Variants in AGPAT4 observed in about 807,000 individuals in gnomAD.
The protein encoded by AGPAT4 is 1-acyl-sn-glycerol-3-phosphate acyltransferase delta.
In AGPAT4, 15 loss-of-function variants were observed where a neutral mutation model predicts 48.0. The ratio of observed to expected loss-of-function variants is 0.31; its 90% CI spans 0.21 to 0.48. The LOEUF is 0.48. Ranked by LOEUF, AGPAT4 falls within the 20% of genes least tolerant of loss-of-function variation. The pLI, the probability that AGPAT4 is intolerant of heterozygous loss-of-function variation, is 0.99. For synonymous variants in AGPAT4, 178 were observed against 198.7 expected (o/e 0.90, Z 0.88); for missense variants, 314 against 482.5 (o/e 0.65, Z 3.27).
chr6:161,168,094 T>A (rs1286356192), intron 2 of AGPAT4, among the ~76,000 whole-genome samples: 1 of 135,748 alleles, frequency 7.4e-6, no homozygotes, highest in African/African-American at 3.1e-5. Context: ...TGACGCATCC[T>A]GGGAGTTGGT....
chr6:161,165,432 G>A lies in AGPAT4; in HGVS notation c.348+816C>T, dbSNP rs913590591. The A allele has an allele frequency of 4.4e-5, 14 of 321,384 alleles. No individual in the cohort carries two copies. Among genetic ancestry groups the A allele is most frequent in the African/African-American group, 4.3e-5 (2 of 46,810 alleles). The allele number at this position is 321,384 out of a possible 1,614,324, so 19.9% of individuals were successfully genotyped here. On this transcript the variant is annotated intron_variant, in intron 3 of 8. Coordinates refer to ENST00000320285, the MANE Select transcript of AGPAT4 (RefSeq NM_020133.3). The surrounding 1 kb of genome is among the most constrained non-coding windows in gnomAD (Gnocchi z 5.5). Reference sequence around the variant, plus strand: ...TCTTCAGGGGCTACCAAAAAGCAAGGTGATTTCAGCAGCCCCCGTATCTGT... The same window carrying A: ...TCTTCAGGGGCTACCAAAAAGCAAGATGATTTCAGCAGCCCCCGTATCTGT...
intron 2 of AGPAT4, among the ~76,000 whole-genome samples, chr6:161,168,966 C>G (rs570456643): frequency 6.6e-6 from 1 of 152,118 alleles, no homozygotes; most frequent in Non-Finnish European, 1.5e-5. Flanking sequence ...AGAGCATGGA[C>G]TCAAGGCACC....
At chr6:161,256,720 A>T (rs904451153) in intron 1 of AGPAT4, among the ~76,000 whole-genome samples, 1 of 152,220 alleles carries the variant, frequency 6.6e-6, no homozygotes, top group Non-Finnish European at 1.5e-5. Flanking sequence ...TTCCCGAAAG[A>T]AATCTGGTGG....
In AGPAT4 at chr6:161,264,482, G is replaced by T. The variant is rs927537569; in HGVS notation, c.-90+9456C>A. Among the ~76,000 whole-genome samples the T allele has an allele frequency of 9.8e-5, 15 of 152,294 alleles. No homozygotes were observed. Among genetic ancestry groups the T allele is most frequent in the African/African-American group, 3.4e-4 (14 of 41,558 alleles). Reference sequence around the variant, plus strand: ...TCCCCACTTCCAGACCTAACGTGGGGGCTGTTCTTCTCTAGGAAGTATTTT... The same window carrying T: ...TCCCCACTTCCAGACCTAACGTGGGTGCTGTTCTTCTCTAGGAAGTATTTT... On this transcript the variant is annotated intron_variant, in intron 1 of 8. Transcript: ENST00000320285. This position sits in a 1 kb window ranked among gnomAD's most constrained non-coding sequence, Gnocchi z 6.8.
At position 161,229,188 on chromosome 6, in the gene AGPAT4, G is replaced by A. The variant is rs773242297; in HGVS notation, c.178+2848C>T. Among the ~76,000 whole-genome samples, 3 of 152,040 alleles carry A rather than the reference G, an allele frequency of 2.0e-5. No individual in the cohort carries two copies. Among genetic ancestry groups the A allele is most frequent in the East Asian group, 1.9e-4 (1 of 5,180 alleles). On this transcript the variant is annotated intron_variant, in intron 2 of 8. Coordinates refer to ENST00000320285, the MANE Select transcript of AGPAT4 (RefSeq NM_020133.3). This position sits in a 1 kb window ranked among gnomAD's most constrained non-coding sequence, Gnocchi z 6.0. ...AGCCATAGCTCTGCTAGAGGAAAGCGAACACAGAGATGGAAGGGCTCCGTG... is the reference window on the plus strand; with the variant it reads ...AGCCATAGCTCTGCTAGAGGAAAGCAAACACAGAGATGGAAGGGCTCCGTG...
At chr6:161,250,917 A>C (rs1782788814) in intron 1 of AGPAT4, among the ~76,000 whole-genome samples, 1 of 152,136 alleles carries the variant, frequency 6.6e-6, no homozygotes, top group Non-Finnish European at 1.5e-5. Flanking sequence ...CCCCTCCATG[A>C]CTTTTTTATT....
chr6:161,156,571 TC>T (rs1302827462), intron 3 of AGPAT4, among the ~76,000 whole-genome samples: 1 of 152,172 alleles, frequency 6.6e-6, no homozygotes, highest in African/African-American at 2.4e-5. Flanking sequence ...CAAAGGTGAG[TC>T]TATAGCATTA....
intron 2 of AGPAT4, among the ~76,000 whole-genome samples, chr6:161,181,798 G>A (rs1459086242): frequency 2.0e-5 from 3 of 152,118 alleles, no homozygotes; most frequent in Non-Finnish European, 2.9e-5. Flanking sequence ...GCTAGAAGCC[G>A]AGGGTCCAAG....
Position 161,135,738 on chromosome 6 carries a change from G to C in AGPAT4, c.*802C>G, listed in dbSNP as rs916697190. ...CAGGCTGTACGTTCATGATGTTTGT[G>C]TTCAATTTCAAGATCCATTTCTTCA... is the stretch of plus-strand genomic sequence containing the variant. On this transcript the variant is annotated 3_prime_UTR_variant, in exon 9 of 9. Coordinates refer to ENST00000320285, the MANE Select transcript of AGPAT4 (RefSeq NM_020133.3). 5 of 152,334 alleles carry C rather than the reference G, an allele frequency of 3.3e-5. No homozygotes were observed. Among genetic ancestry groups the C allele is most frequent in the African/African-American group, 1.2e-4 (5 of 41,470 alleles). 9.4% of individuals were successfully genotyped at this position (152,334 alleles called of 1,614,324 possible). A position where few individuals can be genotyped will look rare whatever the true frequency, so the allele number is the denominator to read the frequency against.
chr6:161,166,102 T>C lies in AGPAT4; in HGVS notation c.348+146A>G, dbSNP rs1273214742. 9.1e-7 allele frequency: 1 copy of C among 1,100,822 alleles called. No individual in the cohort carries two copies. The highest frequency in any genetic ancestry group is 1.6e-5 in the South Asian group (1 of 62,808). The allele number at this position is 1,100,822 out of a possible 1,614,324, so 68.2% of individuals were successfully genotyped here. A position where few individuals can be genotyped will look rare whatever the true frequency, so the allele number is the denominator to read the frequency against. ...TGTTAAGACTGACTCCCAGCAAGAA[T>C]AAAAAGCAGTTTATTAGGACCATTT... is the stretch of plus-strand genomic sequence containing the variant. On this transcript the variant is annotated intron_variant, in intron 3 of 8. Transcript: ENST00000320285. This position sits in a 1 kb window ranked among gnomAD's most constrained non-coding sequence, Gnocchi z 6.7.
intron 2 of AGPAT4, among the ~76,000 whole-genome samples, chr6:161,167,026 T>C (rs1483990279): frequency 6.6e-6 from 1 of 152,152 alleles, no homozygotes; most frequent in African/African-American, 2.4e-5. Flanking sequence ...CTTCAGGCAA[T>C]CATGACCACT....
At position 161,264,804 on chromosome 6, in the gene AGPAT4, G is replaced by A. The variant is rs1783203222; in HGVS notation, c.-90+9134C>T. Among the ~76,000 whole-genome samples the A allele has an allele frequency of 6.6e-6, 1 of 152,152 alleles. No homozygotes were observed. The highest frequency in any genetic ancestry group is 1.5e-5 in the Non-Finnish European group (1 of 68,024). On this transcript the variant is annotated intron_variant, in intron 1 of 8. Transcript: ENST00000320285. The surrounding 1 kb of genome is among the most constrained non-coding windows in gnomAD (Gnocchi z 6.8). ...AGAGCCTGAAAGCGAGAAGGGAGAA[G>A]CGAGATGGGAAGATAAAAGGGAGGG...
rs893718758 is a variant in AGPAT4 at position 161,266,536 on chromosome 6, C to A, written c.-90+7402G>T. Among the ~76,000 whole-genome samples the A allele has an allele frequency of 6.6e-6, 1 of 152,098 alleles. No homozygotes were observed. Among genetic ancestry groups the A allele is most frequent in the African/African-American group, 2.4e-5 (1 of 41,414 alleles). On this transcript the variant is annotated intron_variant, in intron 1 of 8. Transcript: ENST00000320285. This position sits in a 1 kb window ranked among gnomAD's most constrained non-coding sequence, Gnocchi z 6.2. The stretch of plus-strand genomic sequence containing the variant: ...GGTGAATGGGGTGATGGGAGAGCGT[C>A]AGGAAAGCAGAGGCTGGAGGCAGAT...
chr6:161,178,485 G>A lies in AGPAT4; in HGVS notation c.179-12068C>T, dbSNP rs529376560. On this transcript the variant is annotated intron_variant, in intron 2 of 8. Coordinates refer to ENST00000320285, the MANE Select transcript of AGPAT4 (RefSeq NM_020133.3). The surrounding 1 kb of genome is among the most constrained non-coding windows in gnomAD (Gnocchi z 5.1). Reference sequence around the variant, plus strand: ...CATTTGCTAAGACCGTTGGAAAAGCGCAGTATTAGGGTGGGAGTGAACCAA... The same window carrying A: ...CATTTGCTAAGACCGTTGGAAAAGCACAGTATTAGGGTGGGAGTGAACCAA... 8.5e-5 allele frequency among the ~76,000 whole-genome samples: 13 copies of A among 152,324 alleles called. No individual in the cohort carries two copies. The highest frequency in any genetic ancestry group is 1.9e-4 in the East Asian group (1 of 5,172).
At chr6:161,256,500 C>T (rs1307562142) in intron 1 of AGPAT4, among the ~76,000 whole-genome samples, 1 of 152,232 alleles carries the variant, frequency 6.6e-6, no homozygotes, top group Non-Finnish European at 1.5e-5. Context: ...TGGATGAACA[C>T]ATTTGCTGTG....
rs1468193512 is a variant in AGPAT4, at chr6:161,144,111, G to A, written c.843+2413C>T. ...CTAGCAAAATAGGCTGATACAGAAA[G>A]GAATTGTCCCTTGATGTCTATTCAC... On this transcript the variant is annotated intron_variant, in intron 7 of 8. Coordinates refer to ENST00000320285, the MANE Select transcript of AGPAT4 (RefSeq NM_020133.3). This position sits in a 1 kb window ranked among gnomAD's most constrained non-coding sequence, Gnocchi z 6.6. 1.9e-6 allele frequency: 1 copy of A among 532,886 alleles called. No homozygotes were observed. The highest frequency in any genetic ancestry group is 1.9e-5 in the Admixed American group (1 of 51,552). 33.0% of individuals were successfully genotyped at this position (532,886 alleles called of 1,614,324 possible).
At chr6:161,237,397 T>C (rs1782316564) in intron 1 of AGPAT4, among the ~76,000 whole-genome samples, 1 of 152,196 alleles carries the variant, frequency 6.6e-6, no homozygotes, top group Non-Finnish European at 1.5e-5. Flanking sequence ...ATTAGCAAGG[T>C]TTCTTACTGA....
rs1308206130 is a variant in AGPAT4 at position 161,159,645 on chromosome 6, C to G, written c.349-5335G>C. ...TGTGTTCATCAAAAGGTGAGAGACT[C>G]CATTCTCTTTTTTTTGAGACGAAGT... On this transcript the variant is annotated intron_variant, in intron 3 of 8. Transcript: ENST00000320285. The surrounding 1 kb of genome is among the most constrained non-coding windows in gnomAD (Gnocchi z 4.1). 6.6e-6 allele frequency among the ~76,000 whole-genome samples: 1 copy of G among 152,126 alleles called. No individual in the cohort carries two copies. The highest frequency in any genetic ancestry group is 1.5e-5 in the Non-Finnish European group (1 of 68,024).
rs758678112 is a variant in AGPAT4 at position 161,137,300 on chromosome 6, T to TAATC, written c.1043-670_1043-667dup. Among the ~76,000 whole-genome samples the TAATC allele has an allele frequency of 1.9e-4, 29 of 152,308 alleles. 1 individual carries two copies. Among genetic ancestry groups the TAATC allele is most frequent in the Admixed American group, 4.6e-4 (7 of 15,298 alleles). The stretch of plus-strand genomic sequence containing the variant: ...GTCCTTGGGTGCAGGGCCCAAGACT[T>TAATC]AATCATTTGATGTGCTCAGCACTGG... On this transcript the variant is annotated intron_variant, in intron 8 of 8. Coordinates refer to ENST00000320285, the MANE Select transcript of AGPAT4 (RefSeq NM_020133.3). The surrounding 1 kb of genome is among the most constrained non-coding windows in gnomAD (Gnocchi z 6.1).
Sources: gnomAD v4.1 joint callset for allele counts (sites outside exome capture counted in the v4.1 genomes callset) on GRCh38, gnomAD v4.1.1 for gene constraint, Gnocchi (gnomAD v3.1) non-coding constraint, MANE v1.5 for transcripts, NCBI Gene and HGNC (gene_info 2026-07-23, HGNC 2026-07-21) for gene names.